Variants in LINGO2 observed in about 807,000 individuals in gnomAD.
LINGO2 encodes the protein leucine-rich repeat and immunoglobulin-like domain-containing nogo receptor-interacting protein 2.
A neutral mutation model predicts 30.6 loss-of-function variants in LINGO2; 14 were observed. The observed-to-expected ratio is 0.46, with a 90% CI of 0.30 to 0.72. The LOEUF (loss-of-function observed/expected upper bound fraction) is 0.72. Among genes scored for constraint, LINGO2 ranks in the 30% least tolerant of loss-of-function variants. The pLI is 0.07. For synonymous variants in LINGO2, 317 were observed against 288.5 expected (o/e 1.10, Z -1.00); for missense variants, 729 against 751.7 (o/e 0.97, Z 0.35).
chr9:28,440,779 C>T (rs1824158818), intron 2 of LINGO2, among the ~76,000 whole-genome samples: 2 of 152,088 alleles, frequency 1.3e-5, no homozygotes, highest in South Asian at 4.1e-4. Context: ...ACTACATATG[C>T]CTCAATGATT....
At chr9:28,831,764 G>A in the LINGO2 span, among the ~76,000 whole-genome samples, 21 of 152,252 alleles carry the variant, frequency 1.4e-4, no homozygotes, top group East Asian at 4.1e-3. Context: ...TTTAGTCATG[G>A]CTATCTTTCC....
the LINGO2 span, among the ~76,000 whole-genome samples, chr9:28,966,001 C>A: frequency 6.6e-6 from 1 of 152,086 alleles, no homozygotes; most frequent in Non-Finnish European, 1.5e-5. Context: ...CACTTGTGTG[C>A]CTGTAGAAGC....
At chr9:28,804,275 T>C in the LINGO2 span, among the ~76,000 whole-genome samples, 1 of 152,062 alleles carries the variant, frequency 6.6e-6, no homozygotes, top group East Asian at 1.9e-4. Flanking sequence ...GCCAATGTGG[T>C]CTCTGTCCCT....
chr9:28,639,442 T>A (rs1827460646), intron 1 of LINGO2, among the ~76,000 whole-genome samples: 1 of 151,162 alleles, frequency 6.6e-6, no homozygotes, highest in Non-Finnish European at 1.5e-5. Context: ...CCATTATTAT[T>A]GTGTGGGAGT....
At chr9:28,855,407 T>A in the LINGO2 span, among the ~76,000 whole-genome samples, 1 of 152,004 alleles carries the variant, frequency 6.6e-6, no homozygotes, top group Non-Finnish European at 1.5e-5. Context: ...GCCATCTGTT[T>A]AGGTGTATTT....
chr9:28,237,845 C>T (rs577449362), intron 4 of LINGO2, among the ~76,000 whole-genome samples: 1 of 152,092 alleles, frequency 6.6e-6, no homozygotes, highest in South Asian at 2.1e-4. Context: ...CAGAGTGAGA[C>T]TCTGTCAAAA....
chr9:29,080,335 T>A, the LINGO2 span, among the ~76,000 whole-genome samples: 10 of 152,276 alleles, frequency 6.6e-5, no homozygotes, highest in East Asian at 1.9e-3. Context: ...TCCTCTCTTT[T>A]CTTCTTTATT....
chr9:28,167,378 T>C (rs972694134), intron 4 of LINGO2, among the ~76,000 whole-genome samples: 3 of 152,170 alleles, frequency 2.0e-5, no homozygotes, highest in Non-Finnish European at 4.4e-5. Flanking sequence ...TGTTGTCTAA[T>C]ATTTTTGTTT....
chr9:28,203,376 C>T lies in LINGO2; in HGVS notation c.-87+91832G>A, dbSNP rs564255900. On this transcript the variant is annotated intron_variant, in intron 4 of 5. Transcript: ENST00000379992. ...ATGGCATAAAGATGGACTCCAACCA[C>T]TGAAGTATGACAGTAATAGCTGCAG... is the stretch of plus-strand genomic sequence containing the variant. Among the ~76,000 whole-genome samples, 10 of 152,302 alleles carry T rather than the reference C, an allele frequency of 6.6e-5. 1 individual carries two copies. Among genetic ancestry groups the T allele is most frequent in the African/African-American group, 1.9e-4 (8 of 41,564 alleles).
the LINGO2 span, among the ~76,000 whole-genome samples, chr9:29,129,034 G>A: frequency 6.6e-6 from 1 of 152,092 alleles, no homozygotes; most frequent in Non-Finnish European, 1.5e-5. Flanking sequence ...ATTTGCCTTT[G>A]CTAGATACTG....
chr9:28,462,132 C>T (rs1413342570), intron 2 of LINGO2, among the ~76,000 whole-genome samples: 2 of 152,038 alleles, frequency 1.3e-5, no homozygotes, highest in East Asian at 1.9e-4. Flanking sequence ...ACCTTCTAAT[C>T]TCATAGAATC....
chr9:28,017,909 G>A (rs1822920481), intron 4 of LINGO2, among the ~76,000 whole-genome samples: 3 of 152,196 alleles, frequency 2.0e-5, no homozygotes, highest in Middle Eastern at 3.4e-3. Flanking sequence ...GCAATCCTAA[G>A]CATAAAGAAG....
intron 3 of LINGO2, among the ~76,000 whole-genome samples, chr9:28,333,419 G>A (rs1030968454): frequency 5.9e-5 from 9 of 152,112 alleles, no homozygotes; most frequent in African/African-American, 2.2e-4. Context: ...CTAGGTGGGA[G>A]GCTAAGGTAC....
chr9:28,795,531 A>T, the LINGO2 span, among the ~76,000 whole-genome samples: 1 of 151,918 alleles, frequency 6.6e-6, no homozygotes, highest in African/African-American at 2.4e-5. Context: ...GTAAATAACT[A>T]GTCTATTTCT....
the LINGO2 span, among the ~76,000 whole-genome samples, chr9:28,845,358 C>G: frequency 1.3e-5 from 2 of 151,854 alleles, no homozygotes; most frequent in African/African-American, 4.9e-5. Flanking sequence ...TCTCTAGCAT[C>G]CATATTTCCT....
At chr9:29,181,307 G>A in the LINGO2 span, among the ~76,000 whole-genome samples, 72 of 152,260 alleles carry the variant, frequency 4.7e-4, no homozygotes, top group African/African-American at 1.7e-3. Flanking sequence ...TTGTAGAAAA[G>A]AGTAGACATT....
chr9:28,010,814 G>A (rs1822516901), intron 5 of LINGO2, among the ~76,000 whole-genome samples: 1 of 152,160 alleles, frequency 6.6e-6, no homozygotes, highest in Non-Finnish European at 1.5e-5. Flanking sequence ...AAATTAGCAG[G>A]CCTGGTGGCA....
chr9:29,041,019 A>G, the LINGO2 span, among the ~76,000 whole-genome samples: 1 of 152,062 alleles, frequency 6.6e-6, no homozygotes, highest in Non-Finnish European at 1.5e-5. Context: ...AATTAATTTA[A>G]GCATATTTTC....
intron 4 of LINGO2, among the ~76,000 whole-genome samples, chr9:28,285,100 C>T (rs1162939252): frequency 6.6e-6 from 1 of 152,208 alleles, no homozygotes; most frequent in Non-Finnish European, 1.5e-5. Flanking sequence ...TTGTGCTAAG[C>T]ACTGGCCTTG....
Sources: gnomAD v4.1 joint callset for allele counts (sites outside exome capture counted in the v4.1 genomes callset) on GRCh38, gnomAD v4.1.1 for gene constraint, MANE v1.5 for transcripts, NCBI Gene and HGNC (gene_info 2026-07-23, HGNC 2026-07-21) for gene names.